The following ZNF503 variants were observed in gnomAD, a reference collection of about 807,000 sequenced individuals.
The protein encoded by ZNF503 is zinc finger protein 503, also known as NocA-like zinc finger 2.
A neutral mutation model predicts 34.4 loss-of-function variants in ZNF503; 15 were observed. That is an observed-to-expected ratio of 0.44 (90% CI 0.29 to 0.67). The LOEUF (loss-of-function observed/expected upper bound fraction) is 0.67. Among genes scored for constraint, ZNF503 ranks in the 30% least tolerant of loss-of-function variants. The pLI is 0.13. For missense variants in ZNF503, 1,007 were observed against 926.8 expected (o/e 1.09, Z -1.12); for synonymous variants, 580 against 456.8 (o/e 1.27, Z -3.44).
chr10:75,284,387 G>C, the ZNF503 span, among the ~76,000 whole-genome samples: 1 of 151,664 alleles, frequency 6.6e-6, no homozygotes, highest in Non-Finnish European at 1.5e-5. Flanking sequence ...AGGGGGCGTT[G>C]GTGGGGAGGG....
chr10:75,328,531 T>C, the ZNF503 span, among the ~76,000 whole-genome samples: 2 of 152,212 alleles, frequency 1.3e-5, no homozygotes, highest in African/African-American at 4.8e-5. Flanking sequence ...TCTGGTATTA[T>C]GATGCCTCCA....
the ZNF503 span, among the ~76,000 whole-genome samples, chr10:75,372,072 A>G: frequency 6.6e-6 from 1 of 152,114 alleles, no homozygotes; most frequent in Non-Finnish European, 1.5e-5. Context: ...CTGGGATTAC[A>G]GGTGCCCGCT....
At chr10:75,353,060 C>G in the ZNF503 span, among the ~76,000 whole-genome samples, 2 of 152,218 alleles carry the variant, frequency 1.3e-5, no homozygotes, top group Non-Finnish European at 2.9e-5. Context: ...CACGTCAGAC[C>G]CTGAGTTGAC....
At chr10:75,357,661 G>A in the ZNF503 span, among the ~76,000 whole-genome samples, 69 of 152,346 alleles carry the variant, frequency 4.5e-4, no homozygotes, top group African/African-American at 1.6e-3. Context: ...AATGAGGAAA[G>A]TAATTTCTCT....
At chr10:75,311,105 C>T in the ZNF503 span, among the ~76,000 whole-genome samples, 8 of 151,942 alleles carry the variant, frequency 5.3e-5, no homozygotes, top group Non-Finnish European at 1.2e-4. Flanking sequence ...CACAATAGGC[C>T]ATCTGCAAGC....
the ZNF503 span, among the ~76,000 whole-genome samples, chr10:75,304,955 T>C: frequency 2.6e-5 from 4 of 152,210 alleles, no homozygotes; most frequent in Admixed American, 6.5e-5. Flanking sequence ...AGTGGAACTA[T>C]GAGGGGAAAA....
downstream of ZNF503, among the ~76,000 whole-genome samples, chr10:75,392,899 C>T (rs562705027): frequency 1.5e-3 from 224 of 152,334 alleles, 2 homozygotes; most frequent in African/African-American, 5.2e-3. Context: ...ACTACAGCCC[C>T]ATTAGGTTGG....
At chr10:75,310,549 G>A in the ZNF503 span, among the ~76,000 whole-genome samples, 6 of 152,372 alleles carry the variant, frequency 3.9e-5, no homozygotes, top group Admixed American at 3.9e-4. Context: ...CAAAGGCTAA[G>A]TGAGGAGCTT....
At chr10:75,302,619 A>G in the ZNF503 span, among the ~76,000 whole-genome samples, 1 of 152,210 alleles carries the variant, frequency 6.6e-6, no homozygotes, top group Non-Finnish European at 1.5e-5. Flanking sequence ...TGGCTAACCC[A>G]GGATATGTGA....
At position 75,400,303 on chromosome 10, in the gene ZNF503, C is replaced by A; in HGVS notation, c.387G>T (p.Ser129=). Reference sequence around the variant, plus strand: ...CAACCGAGGAGAGTTTGGAGGAGGGCGAGGGGTCGGGCTTCCCGATCTGCG... The same window carrying A: ...CAACCGAGGAGAGTTTGGAGGAGGGAGAGGGGTCGGGCTTCCCGATCTGCG... ...TCSQIGKPDP[S]PSSKLSSVAS... is the part of the protein sequence containing the mutation. Residue 129 remains serine (S), a synonymous_variant, in exon 2 of 2, where the codon TCG becomes TCT. Transcript: ENST00000372524. The A allele has an allele frequency of 6.2e-7, 1 of 1,613,068 alleles. No individual in the cohort carries two copies. Among genetic ancestry groups the A allele is most frequent in the Non-Finnish European group, 8.5e-7 (1 of 1,179,646 alleles).
the ZNF503 span, among the ~76,000 whole-genome samples, chr10:75,330,428 T>C: frequency 1.3e-5 from 2 of 152,188 alleles, no homozygotes; most frequent in African/African-American, 4.8e-5. Context: ...AGAATTAGTA[T>C]CGGTTCTTCT....
chr10:75,311,156 A>C, the ZNF503 span, among the ~76,000 whole-genome samples: 1 of 152,212 alleles, frequency 6.6e-6, no homozygotes, highest in Non-Finnish European at 1.5e-5. Context: ...AAGCTGAAGA[A>C]CTTGGACTCC....
At chr10:75,302,692 CA>C in the ZNF503 span, among the ~76,000 whole-genome samples, 1 of 152,178 alleles carries the variant, frequency 6.6e-6, no homozygotes, top group Non-Finnish European at 1.5e-5. Context: ...TCTAGTCCAT[CA>C]GTCCTTTGCT....
the ZNF503 span, among the ~76,000 whole-genome samples, chr10:75,309,782 G>A: frequency 2.3e-4 from 35 of 150,420 alleles, no homozygotes; most frequent in African/African-American, 8.2e-4. Context: ...TGTTGCCTAT[G>A]TCTTTGGTGT....
chr10:75,303,530 C>T, the ZNF503 span, among the ~76,000 whole-genome samples: 1 of 152,274 alleles, frequency 6.6e-6, no homozygotes, highest in Non-Finnish European at 1.5e-5. Context: ...CTGAACTGCT[C>T]TTGCCTCACT....
At chr10:75,377,094 T>C in the ZNF503 span, among the ~76,000 whole-genome samples, 1 of 152,208 alleles carries the variant, frequency 6.6e-6, no homozygotes, top group African/African-American at 2.4e-5. Flanking sequence ...ACCTACTGAA[T>C]AAGAGACTCT....
At chr10:75,368,573 T>A in the ZNF503 span, among the ~76,000 whole-genome samples, 1 of 152,230 alleles carries the variant, frequency 6.6e-6, no homozygotes, top group Non-Finnish European at 1.5e-5. Flanking sequence ...ATGCAATTTT[T>A]AAAGAAAAAG....
At chr10:75,340,485 A>C in the ZNF503 span, among the ~76,000 whole-genome samples, 1 of 152,366 alleles carries the variant, frequency 6.6e-6, no homozygotes, top group South Asian at 2.1e-4. Context: ...TTTTGTTCAC[A>C]ATCGTGAACA....
chr10:75,398,805 G>T lies in ZNF503; in HGVS notation c.1885C>A (p.Pro629Thr). The T allele has an allele frequency of 6.7e-7, 1 of 1,482,968 alleles. No homozygotes were observed. The highest frequency in any genetic ancestry group is 8.9e-7 in the Non-Finnish European group (1 of 1,122,254). 91.9% of individuals were successfully genotyped at this position (1,482,968 alleles called of 1,614,324 possible). A position where few individuals can be genotyped will look rare whatever the true frequency, so the allele number is the denominator to read the frequency against. The change falls in exon 2 of 2, where the codon CCC becomes ACC. Residue 629 changes from proline to threonine, a missense_variant. Pro to Thr is a conservative substitution (Grantham distance 38). Transcript: ENST00000372524. ...AGTCTCTGTCCGTAGAGGGCGTAGGGGGAGTAGTACGGTCCGGTGGCGGCG... is the reference window on the plus strand; with the variant it reads ...AGTCTCTGTCCGTAGAGGGCGTAGGTGGAGTAGTACGGTCCGGTGGCGGCG... ...VPAATGPYYS[P>T]YALYGQRLTT...
Sources: gnomAD v4.1 joint callset for allele counts (sites outside exome capture counted in the v4.1 genomes callset) on GRCh38, gnomAD v4.1.1 for gene constraint, MANE v1.5 for transcripts, NCBI Gene and HGNC (gene_info 2026-07-23, HGNC 2026-07-21) for gene names.